The following AIG1 variants were observed in gnomAD, a reference collection of about 807,000 sequenced individuals.
AIG1 encodes the protein androgen-induced gene 1 protein.
In AIG1, 23 loss-of-function variants were observed where a neutral mutation model predicts 31.4. That is an observed-to-expected ratio of 0.73 (90% CI 0.53 to 1.04). The LOEUF is 1.04. AIG1 is among the 50% of genes least tolerant of loss of function. The probability of loss-of-function intolerance (pLI) is 0.00; values close to 1 mark genes in which losing one functional copy is unlikely to be tolerated. For synonymous variants in AIG1, 100 were observed against 110.5 expected, an observed-to-expected ratio of 0.90 and a Z score of 0.60; for missense variants, 274 against 295.0, an observed-to-expected ratio of 0.93 and a Z score of 0.52.
At chr6:143,177,632 C>T (rs930973093) in intron 3 of AIG1, among the ~76,000 whole-genome samples, 7 of 152,270 alleles carry the variant, frequency 4.6e-5, no homozygotes, top group South Asian at 2.1e-4. Context: ...GGCTATTGCA[C>T]GGCTTTGCTG....
chr6:143,234,357 G>T (rs1020314297), intron 3 of AIG1, among the ~76,000 whole-genome samples: 28 of 152,208 alleles, frequency 1.8e-4, no homozygotes, highest in Non-Finnish European at 8.8e-5. Flanking sequence ...GACTCCTGTT[G>T]CTTTTGTCAA....
intron 4 of AIG1, among the ~76,000 whole-genome samples, chr6:143,312,279 C>A (rs1020190181): frequency 1.3e-5 from 2 of 151,996 alleles, no homozygotes; most frequent in African/African-American, 4.8e-5. Flanking sequence ...AAGAGCAGAA[C>A]TGAAACACTC....
intron 1 of AIG1, among the ~76,000 whole-genome samples, chr6:143,098,168 T>C (rs992356901): frequency 6.6e-6 from 1 of 152,224 alleles, no homozygotes; most frequent in Non-Finnish European, 1.5e-5. Context: ...TCTACACTTC[T>C]GGTTTTCACT....
Position 143,328,986 on chromosome 6 carries a change from G to A in AIG1, c.516-4296G>A, listed in dbSNP as rs1776846532. 1.3e-5 allele frequency among the ~76,000 whole-genome samples: 2 copies of A among 152,132 alleles called. No individual in the cohort carries two copies. The highest frequency in any genetic ancestry group is 6.6e-5 in the Admixed American group (1 of 15,266). The stretch of plus-strand genomic sequence containing the variant: ...GAACTAAGCACTCTCCAGATAGATG[G>A]GCAAGGCCATGAGTCATCTTTGTGC... On this transcript the variant is annotated intron_variant, in intron 4 of 5. Transcript: ENST00000357847. This position sits in a 1 kb window ranked among gnomAD's most constrained non-coding sequence, Gnocchi z 4.0.
At chr6:143,201,390 A>T (rs1009288077) in intron 3 of AIG1, among the ~76,000 whole-genome samples, 2 of 152,128 alleles carry the variant, frequency 1.3e-5, no homozygotes, top group Non-Finnish European at 2.9e-5. Flanking sequence ...TAAAAAGGTA[A>T]ATCTTTCTGA....
rs538338806 is a variant in AIG1 at position 143,268,110 on chromosome 6, G to A, written c.400-16000G>A. Among the ~76,000 whole-genome samples the A allele has an allele frequency of 6.6e-6, 1 of 152,154 alleles. No individual in the cohort carries two copies. Among genetic ancestry groups the A allele is most frequent in the African/African-American group, 2.4e-5 (1 of 41,506 alleles). On this transcript the variant is annotated intron_variant, in intron 3 of 5. Transcript: ENST00000357847. This position sits in a 1 kb window ranked among gnomAD's most constrained non-coding sequence, Gnocchi z 5.0. ...TGATGAATTATAATAAAAATAGGGAGGATTATGACTTGATATATAAAGTTT... is the reference window on the plus strand; with the variant it reads ...TGATGAATTATAATAAAAATAGGGAAGATTATGACTTGATATATAAAGTTT...
intron 4 of AIG1, among the ~76,000 whole-genome samples, chr6:143,305,993 C>T (rs1799270141): frequency 6.6e-6 from 1 of 150,956 alleles, no homozygotes; most frequent in African/African-American, 2.5e-5. Context: ...CCTTCTTTGT[C>T]TCTTTTGATC....
At chr6:143,231,709 A>G (rs1435066048) in intron 3 of AIG1, among the ~76,000 whole-genome samples, 1 of 152,256 alleles carries the variant, frequency 6.6e-6, no homozygotes, top group Non-Finnish European at 1.5e-5. Flanking sequence ...TTAAAATTAT[A>G]AAGATATTTT....
intron 4 of AIG1, among the ~76,000 whole-genome samples, chr6:143,320,219 G>A (rs1283401778): frequency 1.3e-5 from 2 of 152,118 alleles, no homozygotes; most frequent in African/African-American, 2.4e-5. Flanking sequence ...AAAAGGATGA[G>A]TGTTTGCAAG....
intron 3 of AIG1, among the ~76,000 whole-genome samples, chr6:143,192,231 C>G (rs919870143): frequency 6.6e-6 from 1 of 152,166 alleles, no homozygotes; most frequent in Admixed American, 6.5e-5. Context: ...GGGCCTCTGC[C>G]GCCATGCATG....
At chr6:143,207,377 G>A (rs1037033303) in intron 3 of AIG1, among the ~76,000 whole-genome samples, 1 of 151,968 alleles carries the variant, frequency 6.6e-6, no homozygotes, top group Admixed American at 6.6e-5. Context: ...TGGCACCACT[G>A]TTATTTCTGT....
intron 3 of AIG1, among the ~76,000 whole-genome samples, chr6:143,219,603 C>T (rs1792314228): frequency 1.3e-5 from 2 of 152,148 alleles, no homozygotes; most frequent in African/African-American, 4.8e-5. Context: ...TGTAGAACTC[C>T]TCTGATTGGA....
chr6:143,335,801 A>G (rs1356627587), intron 5 of AIG1, among the ~76,000 whole-genome samples: 1 of 151,974 alleles, frequency 6.6e-6, no homozygotes, highest in African/African-American at 2.4e-5. Context: ...CTAAACATAC[A>G]AAAATGAGCC....
rs546329561 is a variant in AIG1, at chr6:143,284,444, G to A, written c.515+219G>A. Among the ~76,000 whole-genome samples, 1 of 152,268 alleles carries A rather than the reference G, an allele frequency of 6.6e-6. No homozygotes were observed. Among genetic ancestry groups the A allele is most frequent in the African/African-American group, 2.4e-5 (1 of 41,558 alleles). ...GAATTTGTTGAACAATCCCATGTAA[G>A]CAGTGGTTCTTCCAAGGCTACATTT... is the stretch of plus-strand genomic sequence containing the variant. On this transcript the variant is annotated intron_variant, in intron 4 of 5. Coordinates refer to ENST00000357847, the MANE Select transcript of AIG1 (RefSeq NM_016108.4). This position sits in a 1 kb window ranked among gnomAD's most constrained non-coding sequence, Gnocchi z 4.4.
intron 1 of AIG1, among the ~76,000 whole-genome samples, chr6:143,075,373 A>T (rs1376963606): frequency 6.6e-6 from 1 of 151,986 alleles, no homozygotes; most frequent in Non-Finnish European, 1.5e-5. Flanking sequence ...GCTGGAGTGC[A>T]GCTCACTGCA....
In AIG1 at chr6:143,137,001, T is replaced by A. The variant is rs764714030; in HGVS notation, c.297+11T>A. The A allele has an allele frequency of 7.2e-7, 1 of 1,383,570 alleles. No homozygotes were observed. The highest frequency in any genetic ancestry group is 9.5e-7 in the Non-Finnish European group (1 of 1,053,364). The allele number at this position is 1,383,570 out of a possible 1,614,324, so 85.7% of individuals were successfully genotyped here. A position where few individuals can be genotyped will look rare whatever the true frequency, so the allele number is the denominator to read the frequency against. On this transcript the variant is annotated intron_variant, in intron 2 of 5. Coordinates refer to ENST00000357847, the MANE Select transcript of AIG1 (RefSeq NM_016108.4). Reference sequence around the variant, plus strand: ...TTTCCTGTTGGGGTTGTGAGTATGATGGAGGATGCATTTAGCCACAAAAGA... The same window carrying A: ...TTTCCTGTTGGGGTTGTGAGTATGAAGGAGGATGCATTTAGCCACAAAAGA...
intron 1 of AIG1, among the ~76,000 whole-genome samples, chr6:143,078,009 T>C (rs1216914741): frequency 1.3e-5 from 2 of 152,198 alleles, no homozygotes; most frequent in Non-Finnish European, 2.9e-5. Context: ...TGTCAGATCT[T>C]TTTATTATCA....
intron 2 of AIG1, among the ~76,000 whole-genome samples, chr6:143,139,114 C>T (rs1784030166): frequency 6.6e-6 from 1 of 152,044 alleles, no homozygotes. Flanking sequence ...AAGTATATGT[C>T]AACTCTTGGT....
At chr6:143,134,080 A>T (rs1023789925) in intron 1 of AIG1, among the ~76,000 whole-genome samples, 1 of 152,104 alleles carries the variant, frequency 6.6e-6, no homozygotes, top group Non-Finnish European at 1.5e-5. Flanking sequence ...ATTTCAAAAG[A>T]ATAAAAACCA....
Sources: allele counts gnomAD v4.1 joint callset (sites outside exome capture counted in the v4.1 genomes callset), GRCh38; gene constraint gnomAD v4.1.1; non-coding constraint Gnocchi (gnomAD v3.1); transcripts MANE v1.5; gene names NCBI Gene and HGNC (gene_info 2026-07-23, HGNC 2026-07-21).